MED27: variants seen among roughly 807,000 people sequenced by gnomAD.
MED27 encodes mediator of RNA polymerase II transcription subunit 27.
In MED27, 30 loss-of-function variants were observed where a neutral mutation model predicts 38.2. The ratio of observed to expected loss-of-function variants is 0.79; its 90% CI spans 0.59 to 1.07. The LOEUF is 1.07. Ranked by LOEUF, MED27 falls within the 50% of genes least tolerant of loss-of-function variation. The pLI, the probability that MED27 is intolerant of heterozygous loss-of-function variation, is 0.00. For missense variants in MED27, 289 were observed against 397.5 expected (o/e 0.73, Z 2.32); for synonymous variants, 122 against 153.5 (o/e 0.79, Z 1.52).
In MED27 at chr9:131,860,313, G is replaced by A; in HGVS notation, c.*225C>T. 4.2e-6 allele frequency: 2 copies of A among 475,290 alleles called. No homozygotes were observed. Among genetic ancestry groups the A allele is most frequent in the East Asian group, 7.3e-5 (2 of 27,346 alleles). 29.4% of individuals were successfully genotyped at this position (475,290 alleles called of 1,614,324 possible). A position where few individuals can be genotyped will look rare whatever the true frequency, so the allele number is the denominator to read the frequency against. ...CTTCCTTCTACCAGGTTCTAGAAAG[G>A]TCTTCTTTGCCTTCAGTCCGCTGGC... On this transcript the variant is annotated 3_prime_UTR_variant, in exon 8 of 8. Transcript: ENST00000292035. The surrounding 1 kb of genome is among the most constrained non-coding windows in gnomAD (Gnocchi z 5.8).
At chr9:131,967,665 A>ATT (rs764682963) in intron 3 of MED27, among the ~76,000 whole-genome samples, 3 of 123,032 alleles carry the variant, frequency 2.4e-5, no homozygotes, top group Non-Finnish European at 5.3e-5. Flanking sequence ...CTAATTTTGT[A>ATT]TTTTTTTTTT....
chr9:132,053,604 A>C (rs1446145808), intron 2 of MED27, among the ~76,000 whole-genome samples: 1 of 152,230 alleles, frequency 6.6e-6, no homozygotes, highest in Non-Finnish European at 1.5e-5. Flanking sequence ...CGGAGACATG[A>C]AACAACATGC....
chr9:132,014,542 C>T (rs1832561606), intron 2 of MED27, 75 bp from the exon 3 acceptor site: 3 of 1,446,010 alleles, frequency 2.1e-6, no homozygotes, highest in Non-Finnish European at 2.8e-6. Flanking sequence ...ATTAAACTAG[C>T]AATGCTTGAT....
intron 3 of MED27, among the ~76,000 whole-genome samples, chr9:132,011,304 TC>T (rs1189886221): frequency 6.6e-6 from 1 of 152,192 alleles, no homozygotes; most frequent in Admixed American, 6.5e-5. Context: ...ACAATATCCA[TC>T]CTAATCTTAA....
chr9:131,868,724 C>T (rs991917162), intron 6 of MED27: 1 of 985,490 alleles, frequency 1.0e-6, no homozygotes, highest in Non-Finnish European at 1.2e-6. Context: ...CTCCCATCCC[C>T]GCTCTCCCAG....
At chr9:132,043,219 G>T (rs1486617956) in intron 2 of MED27, among the ~76,000 whole-genome samples, 3 of 151,354 alleles carry the variant, frequency 2.0e-5, no homozygotes, top group Non-Finnish European at 4.4e-5. Context: ...ACTTATACTA[G>T]AAGTCCAAGA....
At chr9:131,993,575 G>C (rs1832025414) in intron 3 of MED27, among the ~76,000 whole-genome samples, 1 of 152,226 alleles carries the variant, frequency 6.6e-6, no homozygotes. Flanking sequence ...CCCGTTCCGA[G>C]TGGGGGCACA....
intron 4 of MED27, among the ~76,000 whole-genome samples, chr9:131,914,449 T>C (rs1212824355): frequency 6.6e-6 from 1 of 152,186 alleles, no homozygotes; most frequent in Non-Finnish European, 1.5e-5. Context: ...TGTAAAATGG[T>C]GCATTCCTAT....
intron 2 of MED27, among the ~76,000 whole-genome samples, chr9:132,053,521 T>C (rs984465393): frequency 6.6e-6 from 1 of 152,116 alleles, no homozygotes; most frequent in Non-Finnish European, 1.5e-5. Flanking sequence ...GAATAACTTA[T>C]AGACATTACT....
chr9:131,925,393 C>T (rs893570169), intron 4 of MED27, among the ~76,000 whole-genome samples: 2 of 152,054 alleles, frequency 1.3e-5, no homozygotes, highest in Non-Finnish European at 2.9e-5. Flanking sequence ...ACAAACAATC[C>T]AATTATACTC....
At chr9:131,979,451 A>G (rs1831682798) in intron 3 of MED27, among the ~76,000 whole-genome samples, 1 of 149,612 alleles carries the variant, frequency 6.7e-6, no homozygotes, top group Non-Finnish European at 1.5e-5. Context: ...AAGTCACACT[A>G]CTTATTTGCT....
At chr9:131,916,975 C>T (rs1258084679) in intron 4 of MED27, among the ~76,000 whole-genome samples, 6 of 152,122 alleles carry the variant, frequency 3.9e-5, no homozygotes, top group Admixed American at 3.9e-4. Context: ...GACATTAGAG[C>T]CCCATCTCAA....
intron 3 of MED27, among the ~76,000 whole-genome samples, chr9:131,984,586 T>C (rs1350779657): frequency 6.6e-6 from 1 of 152,202 alleles, no homozygotes; most frequent in East Asian, 1.9e-4. Context: ...AGGTGTATGA[T>C]ACAAAGTGAC....
intron 5 of MED27, among the ~76,000 whole-genome samples, chr9:131,886,449 C>T (rs557387624): frequency 1.3e-5 from 2 of 152,182 alleles, no homozygotes; most frequent in Non-Finnish European, 2.9e-5. Context: ...ACTGCCTGCA[C>T]CATCTCCTTC....
intron 6 of MED27, among the ~76,000 whole-genome samples, chr9:131,874,311 G>A (rs895242894): frequency 7.2e-5 from 11 of 152,060 alleles, no homozygotes; most frequent in African/African-American, 2.7e-4. Flanking sequence ...GCACACCCCC[G>A]CCGGGCACTT....
intron 2 of MED27, among the ~76,000 whole-genome samples, chr9:132,066,290 C>G (rs1207468915): frequency 6.6e-6 from 1 of 152,242 alleles, no homozygotes; most frequent in Non-Finnish European, 1.5e-5. Context: ...AAGTGCAAGG[C>G]ATTCCAGGCG....
At chr9:131,940,573 T>G (rs1276304733) in intron 3 of MED27, among the ~76,000 whole-genome samples, 1 of 151,596 alleles carries the variant, frequency 6.6e-6, no homozygotes, top group Non-Finnish European at 1.5e-5. Context: ...CCACCACCAC[T>G]CCCGGCTAAT....
chr9:131,973,882 T>TG (rs1430605978), intron 3 of MED27, among the ~76,000 whole-genome samples: 1 of 145,048 alleles, frequency 6.9e-6, no homozygotes, highest in African/African-American at 2.5e-5. Flanking sequence ...TGATTTTTTC[T>TG]ATTTTTTTTT....
At chr9:132,079,037 TAG>T (rs1338269303) in intron 1 of MED27, among the ~76,000 whole-genome samples, 1 of 152,178 alleles carries the variant, frequency 6.6e-6, no homozygotes. Context: ...GTTAAGAGAT[TAG>T]AGAGTAGGTC....
Sources: allele counts gnomAD v4.1 joint callset (sites outside exome capture counted in the v4.1 genomes callset), GRCh38; gene constraint gnomAD v4.1.1; non-coding constraint Gnocchi (gnomAD v3.1); transcripts MANE v1.5; gene names NCBI Gene and HGNC (gene_info 2026-07-23, HGNC 2026-07-21).